NBEA: variants seen among roughly 807,000 people sequenced by gnomAD.
NBEA encodes neurobeachin.
NBEA carries 44 observed loss-of-function variants against 343.4 expected under a neutral mutation model. The observed-to-expected ratio is 0.13, with a 90% CI of 0.10 to 0.16. NBEA has a LOEUF of 0.16. Ranked by LOEUF, NBEA falls within the 10% of genes least tolerant of loss-of-function variation. The pLI is 1.00. For synonymous variants in NBEA, 1,175 were observed against 1,238.7 expected (o/e 0.95, Z 1.08); for missense variants, 2,555 against 3,631.3 (o/e 0.70, Z 7.62).
At chr13:35,409,845 A>C (rs2043483261) in intron 38 of NBEA, among the ~76,000 whole-genome samples, 1 of 152,174 alleles carries the variant, frequency 6.6e-6, no homozygotes, top group African/African-American at 2.4e-5. Flanking sequence ...TTAAAATTTT[A>C]GACAAAATGT....
intron 49 of NBEA, among the ~76,000 whole-genome samples, chr13:35,637,903 A>G (rs1333841832): frequency 1.3e-5 from 2 of 152,136 alleles, no homozygotes; most frequent in Non-Finnish European, 2.9e-5. Flanking sequence ...GGGGTGGTGT[A>G]TGTGTGTGTA....
chr13:35,223,614 T>A (rs2074495374), intron 33 of NBEA, among the ~76,000 whole-genome samples: 1 of 152,182 alleles, frequency 6.6e-6, no homozygotes, highest in Admixed American at 6.6e-5. Flanking sequence ...TTTTTACTTA[T>A]TTACTAAAAT....
intron 1 of NBEA, among the ~76,000 whole-genome samples, chr13:34,987,120 T>C (rs1410400284): frequency 1.3e-5 from 2 of 151,192 alleles, no homozygotes; most frequent in Non-Finnish European, 3.0e-5. Context: ...TCTTTAAGTT[T>C]GGCATGTTTT....
At chr13:35,026,513 C>G (rs1007014548) in intron 1 of NBEA, among the ~76,000 whole-genome samples, 6 of 151,968 alleles carry the variant, frequency 3.9e-5, no homozygotes, top group Non-Finnish European at 8.8e-5. Context: ...TTATCCATAC[C>G]CATTGCAAAT....
chr13:35,585,126 G>T (rs2081239655), intron 46 of NBEA, among the ~76,000 whole-genome samples: 1 of 500 alleles, frequency 2.0e-3, no homozygotes, highest in Non-Finnish European at 4.0e-3. Flanking sequence ...AAGTCTCACT[G>T]ACCTTAAAAA....
At chr13:35,417,529 G>T (rs117061256) in intron 38 of NBEA, among the ~76,000 whole-genome samples, 3 of 151,932 alleles carry the variant, frequency 2.0e-5, no homozygotes, top group African/African-American at 7.2e-5. Flanking sequence ...GTTCAGTTTC[G>T]TGTAGTTGAG....
In NBEA at chr13:35,397,063, G is replaced by A. The variant is rs533375977; in HGVS notation, c.6180-35206G>A. 9.9e-5 allele frequency among the ~76,000 whole-genome samples: 15 copies of A among 152,170 alleles called. No homozygotes were observed. The South Asian group carries it at 2.5e-3, about 25-fold the overall frequency. ...CTACCATTGTTTTCCTCACACTGAA[G>A]CCAAAGTAAGATAAAGTAAAAATTT... On this transcript the variant is annotated intron_variant, in intron 38 of 58. Coordinates refer to ENST00000379939, the MANE Select transcript of NBEA (RefSeq NM_001385012.1).
At chr13:35,629,292 A>G (rs117210135) in intron 49 of NBEA, among the ~76,000 whole-genome samples, 4,271 of 152,300 alleles carry the variant, frequency 0.028, 93 homozygotes, top group Middle Eastern at 0.048. Flanking sequence ...ATCTCCAGCC[A>G]GTGGAATGCT....
chr13:35,145,416 A>G (rs1165834209), intron 18 of NBEA, among the ~76,000 whole-genome samples: 32 of 152,078 alleles, frequency 2.1e-4, no homozygotes. Context: ...GGGTGGAGAG[A>G]CTGGATACCC....
chr13:35,564,077 T>A (rs1463694459), intron 44 of NBEA, among the ~76,000 whole-genome samples: 1 of 152,028 alleles, frequency 6.6e-6, no homozygotes, highest in African/African-American at 2.4e-5. Context: ...TCTTAGAAAA[T>A]CATTTCTATT....
Position 35,118,490 on chromosome 13 carries a change from TA to T in NBEA, c.2243+17del, listed in dbSNP as rs1207043311. The stretch of plus-strand genomic sequence containing the variant: ...ATGGAATAAGGTATGATTATAATAT[TA>T]GTATTACTATTAGACTTTAATGGAG... On this transcript the variant is annotated intron_variant, in intron 16 of 58. Transcript: ENST00000379939. The T allele has an allele frequency of 1.3e-5, 20 of 1,531,212 alleles. No homozygotes were observed. The highest frequency in any genetic ancestry group is 1.6e-5 in the Non-Finnish European group (18 of 1,123,856). 94.9% of individuals were successfully genotyped at this position (1,531,212 alleles called of 1,614,324 possible).
At position 35,300,183 on chromosome 13, in the gene NBEA, G is replaced by T. The variant is rs183719220; in HGVS notation, c.5839-9345G>T. 7.1e-4 allele frequency among the ~76,000 whole-genome samples: 108 copies of T among 152,176 alleles called. 1 individual carries two copies. The highest frequency in any genetic ancestry group is 6.3e-3 in the Admixed American group (96 of 15,282). ...AGAAGTACTTTTTGAAATTAGCCGG[G>T]CATAGTGGTGCACGCCTGTAGTCCC... On this transcript the variant is annotated intron_variant, in intron 35 of 58. Coordinates refer to ENST00000379939, the MANE Select transcript of NBEA (RefSeq NM_001385012.1).
At chr13:35,285,327 AAAAC>A (rs2035349935) in intron 34 of NBEA, among the ~76,000 whole-genome samples, 1 of 152,186 alleles carries the variant, frequency 6.6e-6, no homozygotes, top group Non-Finnish European at 1.5e-5. Flanking sequence ...TTTTGCTTCC[AAAAC>A]AAACAAAAAG....
chr13:35,384,521 CTTT>C (rs938208413), intron 38 of NBEA, among the ~76,000 whole-genome samples: 4 of 119,034 alleles, frequency 3.4e-5, no homozygotes, highest in African/African-American at 3.2e-5. Context: ...CTTGAATAAT[CTTT>C]TTTTTTTTTT....
At chr13:35,520,330 G>A (rs1197440286) in intron 41 of NBEA, among the ~76,000 whole-genome samples, 1 of 152,148 alleles carries the variant, frequency 6.6e-6, no homozygotes, top group South Asian at 2.1e-4. Flanking sequence ...CCAAGCCTAA[G>A]GTGCCTACTA....
rs1185152889 is a variant in NBEA at position 34,987,311 on chromosome 13, G to A, written c.294+44197G>A. Among the ~76,000 whole-genome samples, 8 of 151,010 alleles carry A rather than the reference G, an allele frequency of 5.3e-5. 1 individual carries two copies. Among genetic ancestry groups the A allele is most frequent in the South Asian group, 2.1e-4 (1 of 4,748 alleles). On this transcript the variant is annotated intron_variant, in intron 1 of 58. Transcript: ENST00000379939. Reference sequence around the variant, plus strand: ...GGTTGAAAATTCTTTTAAGAATATTGAATATTGGTCTCCAGTCTCTTCTGG... The same window carrying A: ...GGTTGAAAATTCTTTTAAGAATATTAAATATTGGTCTCCAGTCTCTTCTGG...
At chr13:35,593,896 T>G (rs1340246065) in intron 47 of NBEA, among the ~76,000 whole-genome samples, 1 of 152,088 alleles carries the variant, frequency 6.6e-6, no homozygotes, top group Non-Finnish European at 1.5e-5. Flanking sequence ...CTTTTCCGTA[T>G]AGCCTTAGCT....
chr13:35,071,747 C>T (rs1275030411), intron 10 of NBEA, among the ~76,000 whole-genome samples: 2 of 151,746 alleles, frequency 1.3e-5, no homozygotes, highest in South Asian at 4.2e-4. Flanking sequence ...ATTTAAGGTA[C>T]AATGAAATGC....
At chr13:35,306,922 C>T (rs1594148932) in intron 35 of NBEA, among the ~76,000 whole-genome samples, 1 of 151,938 alleles carries the variant, frequency 6.6e-6, no homozygotes, top group Non-Finnish European at 1.5e-5. Flanking sequence ...GGAGACTTTG[C>T]CCAATGTTAT....
Sources: gnomAD v4.1 joint callset for allele counts (sites outside exome capture counted in the v4.1 genomes callset) on GRCh38, gnomAD v4.1.1 for gene constraint, MANE v1.5 for transcripts, NCBI Gene and HGNC (gene_info 2026-07-23, HGNC 2026-07-21) for gene names.